Variants in MYLK observed in about 807,000 individuals in gnomAD.
MYLK encodes the protein myosin light chain kinase, smooth muscle.
A neutral mutation model predicts 203.4 loss-of-function variants in MYLK; 106 were observed. The ratio of observed to expected loss-of-function variants is 0.52; its 90% CI spans 0.45 to 0.61. The LOEUF (loss-of-function observed/expected upper bound fraction) is 0.61. Ranked by LOEUF, MYLK falls within the 20% of genes least tolerant of loss-of-function variation. The pLI is 0.00. For missense variants in MYLK, 2,072 were observed against 2,442.3 expected, an observed-to-expected ratio of 0.85 and a Z score of 3.20; for synonymous variants, 867 against 959.5, an observed-to-expected ratio of 0.90 and a Z score of 1.78.
At chr3:123,843,370 C>T (rs1296798711) in intron 2 of MYLK, among the ~76,000 whole-genome samples, 1 of 152,134 alleles carries the variant, frequency 6.6e-6, no homozygotes, top group Non-Finnish European at 1.5e-5. Flanking sequence ...GTTGTAAGGG[C>T]CCTTTCATCC....
intron 19 of MYLK, chr3:123,692,477 G>T: frequency 8.9e-7 from 1 of 1,126,176 alleles, no homozygotes; most frequent in Non-Finnish European, 1.2e-6. Flanking sequence ...TCTGGGTGTG[G>T]GGATCAGGAC....
intron 13 of MYLK, among the ~76,000 whole-genome samples, chr3:123,712,281 T>A (rs2061727684): frequency 6.6e-6 from 1 of 152,198 alleles, no homozygotes; most frequent in South Asian, 2.1e-4. Context: ...GCTGGCTGCC[T>A]CGGGAGAGTT....
intron 5 of MYLK, among the ~76,000 whole-genome samples, chr3:123,746,720 T>C (rs1432274919): frequency 3.3e-5 from 5 of 152,194 alleles, no homozygotes; most frequent in African/African-American, 1.2e-4. Flanking sequence ...AAAAGAATAA[T>C]TTCCCTTTCT....
intron 2 of MYLK, among the ~76,000 whole-genome samples, chr3:123,843,289 C>T (rs138738553): frequency 2.4e-4 from 37 of 152,118 alleles, no homozygotes; most frequent in Non-Finnish European, 4.6e-4. Flanking sequence ...TATGTCCTTG[C>T]AAATTGGGGC....
In MYLK at chr3:123,611,895, G is replaced by C. The variant is rs571420372; in HGVS notation, c.*2210C>G. Reference sequence around the variant, plus strand: ...CCTGAGAGAACCTGATGCTGCCGCTGATCTGACAGGAGGCAGAGCTCAGGC... The same window carrying C: ...CCTGAGAGAACCTGATGCTGCCGCTCATCTGACAGGAGGCAGAGCTCAGGC... On this transcript the variant is annotated 3_prime_UTR_variant, in exon 34 of 34. Coordinates refer to ENST00000360304, the MANE Select transcript of MYLK (RefSeq NM_053025.4). The C allele has an allele frequency of 2.6e-5, 4 of 152,430 alleles. No individual in the cohort carries two copies. The highest frequency in any genetic ancestry group is 9.7e-5 in the African/African-American group (4 of 41,428). The allele number at this position is 152,430 out of a possible 1,614,324, so 9.4% of individuals were successfully genotyped here. A position where few individuals can be genotyped will look rare whatever the true frequency, so the allele number is the denominator to read the frequency against.
chr3:123,871,077 A>AC (rs147618110), intron 2 of MYLK, among the ~76,000 whole-genome samples: 1,852 of 152,002 alleles, frequency 0.012, 43 homozygotes, highest in African/African-American at 0.043. Flanking sequence ...CATTGGTCCC[A>AC]CCCCCAAGCA....
intron 2 of MYLK, among the ~76,000 whole-genome samples, chr3:123,842,693 C>T (rs774056752): frequency 2.0e-5 from 3 of 152,206 alleles, no homozygotes; most frequent in Non-Finnish European, 2.9e-5. Flanking sequence ...CTGAAACTGC[C>T]TTATTCATTT....
At chr3:123,680,687 A>T (rs1239035793) in intron 20 of MYLK, among the ~76,000 whole-genome samples, 1 of 152,244 alleles carries the variant, frequency 6.6e-6, no homozygotes, top group East Asian at 1.9e-4. Context: ...ATGTTTGAGG[A>T]ACCCAAGTTC....
At chr3:123,807,232 C>T (rs111284266) in intron 3 of MYLK, among the ~76,000 whole-genome samples, 26,070 of 152,008 alleles carry the variant, frequency 0.17, 2,845 homozygotes, top group Non-Finnish European at 0.24. Context: ...AGTTCAAGAC[C>T]ACCCTGGCCA....
rs758697820 is a variant in MYLK at position 123,701,502 on chromosome 3, C to G, written c.2398G>C (p.Val800Leu). 2.5e-6 allele frequency: 4 copies of G among 1,613,908 alleles called. No individual in the cohort carries two copies. The highest frequency in any genetic ancestry group is 3.4e-6 in the Non-Finnish European group (4 of 1,179,994). ...GQYEILLKNR[V>L]GECSCQVSLM... ...GACACCTGGCAACTGCATTCGCCAA[C>G]CCGGTTCCTGAAGAATTCCAAAGAT... is the stretch of plus-strand genomic sequence containing the variant. The change falls in exon 17 of 34, where the codon GTT (valine) becomes CTT (leucine). Residue 800 changes from valine (V) to leucine (L), a missense_variant. Physicochemically the swap from Val to Leu is conservative, Grantham distance 32 (BLOSUM62 1). Coordinates refer to ENST00000360304, the MANE Select transcript of MYLK (RefSeq NM_053025.4).
At chr3:123,815,577 A>C (rs2065721042) in intron 3 of MYLK, among the ~76,000 whole-genome samples, 1 of 152,038 alleles carries the variant, frequency 6.6e-6, no homozygotes. Context: ...CTCCAACCTC[A>C]AGGTCCATCT....
chr3:123,824,690 C>T (rs2066053435), intron 3 of MYLK, among the ~76,000 whole-genome samples: 1 of 151,846 alleles, frequency 6.6e-6, no homozygotes, highest in Admixed American at 6.6e-5. Flanking sequence ...TATTTAACTA[C>T]AAGTTATATA....
chr3:123,884,332 C>A lies in MYLK; in HGVS notation c.-312G>T, dbSNP rs1017638611. Reference sequence around the variant, plus strand: ...TGCCGACCGGGCGGCGCGGGGAGCCCGCGAGGCGCGTCCGGGACTGGGCAG... The same window carrying A: ...TGCCGACCGGGCGGCGCGGGGAGCCAGCGAGGCGCGTCCGGGACTGGGCAG... On this transcript the variant is annotated 5_prime_UTR_variant, in exon 1 of 34. Transcript: ENST00000360304. 2 of 103,952 alleles carry A rather than the reference C, an allele frequency of 1.9e-5. No individual in the cohort carries two copies. Among genetic ancestry groups the A allele is most frequent in the Non-Finnish European group, 3.6e-5 (2 of 55,624 alleles). The allele number at this position is 103,952 out of a possible 1,614,324, so 6.4% of individuals were successfully genotyped here.
At chr3:123,769,373 A>G (rs2063803092) in intron 4 of MYLK, among the ~76,000 whole-genome samples, 1 of 152,204 alleles carries the variant, frequency 6.6e-6, no homozygotes. Context: ...TGCCAGTAAC[A>G]CGGGTTATGT....
At position 123,781,389 on chromosome 3, in the gene MYLK, C is replaced by T. The variant is rs974386708; in HGVS notation, c.165+12288G>A. Among the ~76,000 whole-genome samples, 21 of 152,208 alleles carry T rather than the reference C, an allele frequency of 1.4e-4. 1 individual carries two copies. The highest frequency in any genetic ancestry group is 9.6e-5 in the African/African-American group (4 of 41,456). The stretch of plus-strand genomic sequence containing the variant: ...GGGGTCACTAGAGGCCTGGCCTCAT[C>T]CTTCAGTCGAGCTCTCCTGGAGGGT... On this transcript the variant is annotated intron_variant, in intron 4 of 33. Transcript: ENST00000360304.
chr3:123,671,458 C>G (rs946572016), intron 20 of MYLK, among the ~76,000 whole-genome samples: 1 of 152,032 alleles, frequency 6.6e-6, no homozygotes, highest in Non-Finnish European at 1.5e-5. Flanking sequence ...GTGGAAGGAC[C>G]CTGAGAGCAG....
chr3:123,830,820 A>G (rs1165660796), intron 3 of MYLK, among the ~76,000 whole-genome samples: 1 of 152,216 alleles, frequency 6.6e-6, no homozygotes, highest in Non-Finnish European at 1.5e-5. Context: ...GCAGAAAGCA[A>G]TGGAAACACC....
At chr3:123,717,539 C>A (rs2061938358) in intron 13 of MYLK, among the ~76,000 whole-genome samples, 2 of 152,282 alleles carry the variant, frequency 1.3e-5, no homozygotes, top group Non-Finnish European at 2.9e-5. Context: ...ATGGGCACAA[C>A]TGGCAGGCTA....
intron 6 of MYLK, 127 bp downstream of exon 6, chr3:123,739,826 G>T: frequency 9.6e-7 from 1 of 1,040,814 alleles, no homozygotes; most frequent in Non-Finnish European, 1.5e-6. Context: ...ACATCTCATT[G>T]TACTAGGCTC....
Sources: gnomAD v4.1 joint callset for allele counts (sites outside exome capture counted in the v4.1 genomes callset) on GRCh38, gnomAD v4.1.1 for gene constraint, MANE v1.5 for transcripts, NCBI Gene and HGNC (gene_info 2026-07-23, HGNC 2026-07-21) for gene names.